ATRNL1: variants seen among roughly 807,000 people sequenced by gnomAD.
The protein encoded by ATRNL1 is attractin like 1.
Under a neutral mutation model 182.7 loss-of-function variants are expected in ATRNL1, and 95 were observed. The observed-to-expected ratio is 0.52, with a 90% CI of 0.44 to 0.62. ATRNL1 has a LOEUF of 0.62. Among genes scored for constraint, ATRNL1 ranks in the 20% least tolerant of loss-of-function variants. ATRNL1 has a pLI of 0.00. For synonymous variants in ATRNL1, 576 were observed against 568.3 expected (o/e 1.01, Z -0.19); for missense variants, 1,471 against 1,679.5 (o/e 0.88, Z 2.17).
rs148098386 is a variant in ATRNL1 at position 115,136,248 on chromosome 10, G to A, written c.829+6713G>A. Among the ~76,000 whole-genome samples, 170 of 152,280 alleles carry A rather than the reference G, an allele frequency of 1.1e-3. 1 individual carries two copies. The East Asian group carries it at 0.013, about 11-fold the overall frequency. On this transcript the variant is annotated intron_variant, in intron 5 of 28. Transcript: ENST00000355044. Reference sequence around the variant, plus strand: ...TATATGACTAAAAGTATAGGGACCTGTGTAGACTCATCTGCTTCTATGACA... The same window carrying A: ...TATATGACTAAAAGTATAGGGACCTATGTAGACTCATCTGCTTCTATGACA...
At chr10:115,238,562 T>G (rs1446569000) in intron 9 of ATRNL1, among the ~76,000 whole-genome samples, 1 of 152,156 alleles carries the variant, frequency 6.6e-6, no homozygotes, top group Non-Finnish European at 1.5e-5. Flanking sequence ...AAAAATCAAT[T>G]GTATATTACC....
At chr10:115,489,160 A>G (rs1554975873) in intron 24 of ATRNL1, among the ~76,000 whole-genome samples, 1 of 152,114 alleles carries the variant, frequency 6.6e-6, no homozygotes, top group Non-Finnish European at 1.5e-5. Context: ...GGTCAATTTT[A>G]GAATTAAGTG....
chr10:115,123,459 G>GA (rs1177004966), intron 3 of ATRNL1, among the ~76,000 whole-genome samples: 3 of 152,146 alleles, frequency 2.0e-5, no homozygotes, highest in African/African-American at 7.2e-5. Flanking sequence ...TAAGAATTCA[G>GA]AATCTAATAT....
At chr10:115,901,940 A>C (rs782320658) in intron 28 of ATRNL1, among the ~76,000 whole-genome samples, 21 of 152,210 alleles carry the variant, frequency 1.4e-4, no homozygotes, top group Admixed American at 2.6e-4. Flanking sequence ...TTGACCTAGG[A>C]AAGATCTCAA....
intron 9 of ATRNL1, among the ~76,000 whole-genome samples, chr10:115,220,807 C>T (rs189316954): frequency 1.5e-4 from 23 of 149,736 alleles, no homozygotes; most frequent in Non-Finnish European, 3.0e-5. Flanking sequence ...CTACCAGATG[C>T]GACTGTAAAA....
chr10:115,589,107 A>T (rs1190379580), intron 26 of ATRNL1, among the ~76,000 whole-genome samples: 2 of 152,190 alleles, frequency 1.3e-5, no homozygotes, highest in African/African-American at 4.8e-5. Flanking sequence ...GCATACCTCA[A>T]TGGTTTGTGA....
At chr10:115,824,224 T>C (rs1403512508) in intron 27 of ATRNL1, among the ~76,000 whole-genome samples, 2 of 152,198 alleles carry the variant, frequency 1.3e-5, no homozygotes, top group African/African-American at 2.4e-5. Flanking sequence ...TGGCTAGCCA[T>C]GTGCAGAAAA....
chr10:115,135,637 C>G (rs1554876448), intron 5 of ATRNL1, among the ~76,000 whole-genome samples: 1 of 152,184 alleles, frequency 6.6e-6, no homozygotes. Context: ...TCAGTGCCAT[C>G]CCCATGAAGC....
At chr10:115,279,294 T>A (rs916705279) in intron 13 of ATRNL1, among the ~76,000 whole-genome samples, 19 of 152,000 alleles carry the variant, frequency 1.3e-4, no homozygotes, top group African/African-American at 4.6e-4. Context: ...ATGAGGGTAA[T>A]ATTAAGAGAC....
At chr10:115,662,685 A>G (rs1555038412) in intron 26 of ATRNL1, among the ~76,000 whole-genome samples, 1 of 152,180 alleles carries the variant, frequency 6.6e-6, no homozygotes, top group Non-Finnish European at 1.5e-5. Context: ...ATTTCAAAAT[A>G]CATTTTAAAA....
At chr10:115,252,363 C>A (rs1554905589) in intron 10 of ATRNL1, among the ~76,000 whole-genome samples, 1 of 152,120 alleles carries the variant, frequency 6.6e-6, no homozygotes, top group Non-Finnish European at 1.5e-5. Context: ...TACTCTCTTT[C>A]TTTCCTTAGC....
chr10:115,497,670 T>TC (rs1258268929), intron 24 of ATRNL1, among the ~76,000 whole-genome samples: 1 of 151,682 alleles, frequency 6.6e-6, no homozygotes, highest in African/African-American at 2.4e-5. Flanking sequence ...TTTTTTCTTT[T>TC]TTTTTTGAGA....
intron 25 of ATRNL1, among the ~76,000 whole-genome samples, chr10:115,546,238 T>C (rs1439877722): frequency 1.2e-4 from 18 of 152,198 alleles, no homozygotes; most frequent in African/African-American, 4.3e-4. Context: ...CCTTAGATCA[T>C]ATCTAAAGTG....
Position 115,160,193 on chromosome 10 carries a change from G to C in ATRNL1, c.983G>C (p.Ser328Thr). 1.2e-6 allele frequency: 2 copies of C among 1,610,958 alleles called. No individual in the cohort carries two copies. Among genetic ancestry groups the C allele is most frequent in the Non-Finnish European group, 1.7e-6 (2 of 1,178,200 alleles). ...WVIGGYTFNY[S>T]SFQMVLNYNL... ...ATTGGTGGATATACTTTTAACTACA[G>C]TTCTTTTCAAATGGTCCTAAAGTAA... Residue 328 changes from serine (S) to threonine (T), a missense_variant, in exon 6 of 29, where the codon AGT becomes ACT. Around this residue, in one of 3 missense-constraint regions of ATRNL1, gnomAD observed 1,031 missense variants for 1,156.0 expected, o/e 0.89. Transcript: ENST00000355044.
chr10:115,338,386 C>T (rs1343768142), intron 19 of ATRNL1, among the ~76,000 whole-genome samples: 1 of 152,182 alleles, frequency 6.6e-6, no homozygotes. Context: ...TCTCCACATC[C>T]TCACAAACAT....
At chr10:115,537,086 G>A (rs1852072841) in intron 25 of ATRNL1, among the ~76,000 whole-genome samples, 1 of 152,212 alleles carries the variant, frequency 6.6e-6, no homozygotes, top group Admixed American at 6.5e-5. Flanking sequence ...GTTCACTTAG[G>A]AATTTTCTCC....
At chr10:115,508,169 C>A (rs1314027024) in intron 24 of ATRNL1, among the ~76,000 whole-genome samples, 1 of 151,844 alleles carries the variant, frequency 6.6e-6, no homozygotes, top group African/African-American at 2.4e-5. Context: ...GTGATCAGTG[C>A]TCCTCGATGT....
intron 19 of ATRNL1, among the ~76,000 whole-genome samples, chr10:115,363,665 G>C (rs1433488086): frequency 6.6e-6 from 1 of 152,130 alleles, no homozygotes; most frequent in African/African-American, 2.4e-5. Flanking sequence ...TAACGTTTAA[G>C]TCTTTAGTCC....
chr10:115,269,804 A>G (rs1408148804), intron 13 of ATRNL1, among the ~76,000 whole-genome samples: 1 of 152,172 alleles, frequency 6.6e-6, no homozygotes, highest in Non-Finnish European at 1.5e-5. Context: ...AAGGGAGTTG[A>G]AACTAAGTAA....
Sources: gnomAD v4.1 joint callset for allele counts (sites outside exome capture counted in the v4.1 genomes callset) on GRCh38, gnomAD v4.1.1 for gene constraint, gnomAD v4.1.1 regional missense constraint, MANE v1.5 for transcripts, NCBI Gene and HGNC (gene_info 2026-07-23, HGNC 2026-07-21) for gene names.